Variants in CUL3 observed in about 807,000 individuals in gnomAD.
CUL3 encodes the protein cullin-3.
A neutral mutation model predicts 89.1 loss-of-function variants in CUL3; 19 were observed. The ratio of observed to expected loss-of-function variants is 0.21; its 90% CI spans 0.15 to 0.31. CUL3 has a LOEUF of 0.31. CUL3 is among the 10% of genes least tolerant of loss of function. The pLI is 1.00. For synonymous variants in CUL3, 351 were observed against 308.4 expected (o/e 1.14, Z -1.45); for missense variants, 469 against 942.3 (o/e 0.50, Z 6.58).
intron 3 of CUL3, among the ~76,000 whole-genome samples, chr2:224,518,266 A>C (rs1228984451): frequency 1.3e-5 from 2 of 151,890 alleles, no homozygotes; most frequent in African/African-American, 4.8e-5. Context: ...TTAAGCATAA[A>C]GTTTGTAAGG....
At chr2:224,567,244 G>T (rs973203224) in intron 1 of CUL3, among the ~76,000 whole-genome samples, 1 of 152,130 alleles carries the variant, frequency 6.6e-6, no homozygotes, top group Admixed American at 6.6e-5. Context: ...TTTAGACAGG[G>T]TCTTCTTCTG....
chr2:224,487,197 A>T (rs1691758767), intron 13 of CUL3, among the ~76,000 whole-genome samples: 1 of 152,212 alleles, frequency 6.6e-6, no homozygotes, highest in African/African-American at 2.4e-5. Flanking sequence ...CACTATGAAG[A>T]AACTGCAACA....
Position 224,583,099 on chromosome 2 carries a change from C to T in CUL3, c.66+1845G>A, listed in dbSNP as rs183705964. 3.9e-5 allele frequency among the ~76,000 whole-genome samples: 6 copies of T among 152,280 alleles called. No homozygotes were observed. The East Asian group carries it at 1.2e-3, about 29-fold the overall frequency. Reference sequence around the variant, plus strand: ...TGCTAGAAAATCTGTTGTATATAGGCCTGGCGCGGTGGCTCACTCCTGTAA... The same window carrying T: ...TGCTAGAAAATCTGTTGTATATAGGTCTGGCGCGGTGGCTCACTCCTGTAA... On this transcript the variant is annotated intron_variant, in intron 1 of 15. Coordinates refer to ENST00000264414, the MANE Select transcript of CUL3 (RefSeq NM_003590.5).
intron 3 of CUL3, among the ~76,000 whole-genome samples, chr2:224,519,553 T>G (rs1190391381): frequency 6.6e-6 from 1 of 151,986 alleles, no homozygotes; most frequent in Non-Finnish European, 1.5e-5. Context: ...ACCCTAAAAT[T>G]TCATTATAGA....
intron 2 of CUL3, among the ~76,000 whole-genome samples, chr2:224,544,724 A>G (rs896477316): frequency 6.0e-5 from 9 of 150,360 alleles, no homozygotes; most frequent in African/African-American, 2.2e-4. Flanking sequence ...CAGTGGTATG[A>G]CACAAACCTA....
intron 3 of CUL3, among the ~76,000 whole-genome samples, chr2:224,533,423 T>C (rs1298160680): frequency 1.3e-5 from 2 of 151,750 alleles, no homozygotes; most frequent in African/African-American, 4.8e-5. Flanking sequence ...TGACCATGTG[T>C]AGAGTCAGAA....
intron 6 of CUL3, among the ~76,000 whole-genome samples, chr2:224,507,386 C>T (rs1218196532): frequency 6.6e-6 from 1 of 152,062 alleles, no homozygotes; most frequent in Non-Finnish European, 1.5e-5. Context: ...AATGACACTA[C>T]AAAACGTCTA....
In CUL3 at chr2:224,506,131, C is replaced by A. The variant is rs2106203931; in HGVS notation, c.1031G>T (p.Gly344Val). Reference sequence around the variant, plus strand: ...GAACCTACTCTTCAGATCCAATAAGCCCTTAGAAATAAAAACAAAATTTAG... The same window carrying A: ...GAACCTACTCTTCAGATCCAATAAGACCTTAGAAATAAAAACAAAATTTAG... ...EGKNPVDYIQ[G>V]LLDLKSRFDR... The change falls in exon 8 of 16, where the codon GGC becomes GTC. Residue 344 changes from glycine (G) to valine (V), a missense_variant and splice_region_variant. By Grantham distance (109) the Gly-to-Val change is moderately radical. This residue lies in a region of CUL3 where 370 missense variants were observed against 733.2 expected (regional missense o/e 0.50). Coordinates refer to ENST00000264414, the MANE Select transcript of CUL3 (RefSeq NM_003590.5). The A allele has an allele frequency of 6.4e-7, 1 of 1,561,100 alleles. No individual in the cohort carries two copies. Among genetic ancestry groups the A allele is most frequent in the South Asian group, 1.2e-5 (1 of 80,596 alleles).
chr2:224,523,302 T>A (rs1693337885), intron 3 of CUL3, among the ~76,000 whole-genome samples: 1 of 151,856 alleles, frequency 6.6e-6, no homozygotes, highest in African/African-American at 2.4e-5. Flanking sequence ...AAAGCTTTTG[T>A]AAGACCAACG....
chr2:224,576,375 C>T (rs1480277284), intron 1 of CUL3, among the ~76,000 whole-genome samples: 1 of 152,120 alleles, frequency 6.6e-6, no homozygotes, highest in East Asian at 1.9e-4. Flanking sequence ...CTGACAATTT[C>T]AACTCATTTT....
intron 9 of CUL3, 148 bp from the exon 10 acceptor site, chr2:224,503,220 C>A: frequency 1.6e-6 from 1 of 637,536 alleles, no homozygotes; most frequent in Non-Finnish European, 2.7e-6. Context: ...CTGTGGTTAT[C>A]AAACTTTAGG....
In CUL3 at chr2:224,535,509, T is replaced by C. The variant is rs751168513; in HGVS notation, c.378+19A>G. The C allele has an allele frequency of 1.5e-5, 22 of 1,490,714 alleles. No homozygotes were observed. Among genetic ancestry groups the C allele is most frequent in the Admixed American group, 6.2e-5 (3 of 48,370 alleles). 92.3% of individuals were successfully genotyped at this position (1,490,714 alleles called of 1,614,324 possible). Reference sequence around the variant, plus strand: ...CTTAACTGCTTAAAGGAAGAAAACATTTAAAAAGCTCTACTTACCATGTAC... The same window carrying C: ...CTTAACTGCTTAAAGGAAGAAAACACTTAAAAAGCTCTACTTACCATGTAC... On this transcript the variant is annotated intron_variant, in intron 3 of 15. Transcript: ENST00000264414.
At chr2:224,521,032 A>G (rs972164888) in intron 3 of CUL3, among the ~76,000 whole-genome samples, 2 of 152,216 alleles carry the variant, frequency 1.3e-5, no homozygotes, top group Non-Finnish European at 2.9e-5. Flanking sequence ...CAAACAAATC[A>G]AATAAAAAGT....
At chr2:224,565,720 A>G (rs1310481648) in intron 1 of CUL3, among the ~76,000 whole-genome samples, 2 of 152,150 alleles carry the variant, frequency 1.3e-5, no homozygotes, top group Non-Finnish European at 2.9e-5. Flanking sequence ...ATCTCCATCA[A>G]GTCATCTTCC....
intron 15 of CUL3, 174 bp from the exon 16 acceptor site, chr2:224,474,550 C>T (rs141855794): frequency 3.4e-5 from 19 of 558,344 alleles, no homozygotes; most frequent in Non-Finnish European, 5.6e-5. Context: ...ATTATGGTTA[C>T]AACACACTTC....
At chr2:224,487,652 T>C (rs951220261) in intron 13 of CUL3, among the ~76,000 whole-genome samples, 1 of 151,954 alleles carries the variant, frequency 6.6e-6, no homozygotes, top group African/African-American at 2.4e-5. Context: ...CACACAATAA[T>C]AGGGGGAGAC....
chr2:224,504,481 G>A (rs1406463720), intron 8 of CUL3, among the ~76,000 whole-genome samples: 1 of 152,014 alleles, frequency 6.6e-6, no homozygotes, highest in African/African-American at 2.4e-5. Flanking sequence ...GGCTAATTTT[G>A]TATTTTTAGT....
At chr2:224,522,070 T>TAAAAAA in intron 3 of CUL3, among the ~76,000 whole-genome samples, 1 of 133,666 alleles carries the variant, frequency 7.5e-6, no homozygotes, top group Admixed American at 7.4e-5. Context: ...CATTTAAAAT[T>TAAAAAA]AAAAAAAAAA....
chr2:224,473,936 G>C lies in CUL3; in HGVS notation c.*309C>G, dbSNP rs1486565060. The stretch of plus-strand genomic sequence containing the variant: ...AAATCCAACAATTTTATTGTAATGA[G>C]CTGTATTTTCTAAATTTCTCTTTTA... On this transcript the variant is annotated 3_prime_UTR_variant, in exon 16 of 16. Coordinates refer to ENST00000264414, the MANE Select transcript of CUL3 (RefSeq NM_003590.5). The C allele has an allele frequency of 4.1e-6, 1 of 246,674 alleles. No individual in the cohort carries two copies. The highest frequency in any genetic ancestry group is 7.9e-6 in the Non-Finnish European group (1 of 126,840). 15.3% of individuals were successfully genotyped at this position (246,674 alleles called of 1,614,324 possible). A position where few individuals can be genotyped will look rare whatever the true frequency, so the allele number is the denominator to read the frequency against.
Sources: gnomAD v4.1 joint callset for allele counts (sites outside exome capture counted in the v4.1 genomes callset) on GRCh38, gnomAD v4.1.1 for gene constraint, gnomAD v4.1.1 regional missense constraint, MANE v1.5 for transcripts, NCBI Gene and HGNC (gene_info 2026-07-23, HGNC 2026-07-21) for gene names.